Variants in NEDD4L observed in about 807,000 individuals in gnomAD.
NEDD4L encodes the protein E3 ubiquitin-protein ligase NEDD4-like.
NEDD4L carries 54 observed loss-of-function variants against 148.9 expected under a neutral mutation model. The ratio of observed to expected loss-of-function variants is 0.36; its 90% CI spans 0.29 to 0.45. NEDD4L has a LOEUF of 0.45. Ranked by LOEUF, NEDD4L falls within the 20% of genes least tolerant of loss-of-function variation. The pLI is 1.00. For synonymous variants in NEDD4L, 433 were observed against 440.7 expected (o/e 0.98, Z 0.22); for missense variants, 856 against 1,233.8 (o/e 0.69, Z 4.59).
intron 1 of NEDD4L, among the ~76,000 whole-genome samples, chr18:58,106,861 G>C (rs2145590846): frequency 6.6e-6 from 1 of 151,870 alleles, no homozygotes; most frequent in South Asian, 2.1e-4. Context: ...CCTGTCCCCT[G>C]AAATCTTCAC....
At chr18:58,362,633 G>A (rs1419788804) in intron 19 of NEDD4L, among the ~76,000 whole-genome samples, 1 of 152,200 alleles carries the variant, frequency 6.6e-6, no homozygotes, top group Non-Finnish European at 1.5e-5. Context: ...GCTCTCAACA[G>A]CTTGTGAGCT....
At chr18:58,357,327 A>T in intron 19 of NEDD4L, 75 bp downstream of exon 19, 1 of 1,225,280 alleles carries the variant, frequency 8.2e-7, no homozygotes, top group Non-Finnish European at 1.2e-6. Context: ...TGTATTACTG[A>T]TAACGGTGAT....
At chr18:58,245,632 G>T in intron 3 of NEDD4L, 124 bp downstream of exon 3, 2 of 342,918 alleles carry the variant, frequency 5.8e-6, no homozygotes, top group Non-Finnish European at 5.6e-6. Context: ...AGTCCCGTGA[G>T]ATTATAATGG....
At chr18:58,073,613 A>G (rs2083004961) in intron 1 of NEDD4L, among the ~76,000 whole-genome samples, 1 of 152,234 alleles carries the variant, frequency 6.6e-6, no homozygotes, top group African/African-American at 2.4e-5. Flanking sequence ...TCAGACACAA[A>G]AGGCCACACG....
intron 1 of NEDD4L, among the ~76,000 whole-genome samples, chr18:58,114,010 C>T (rs757239248): frequency 4.9e-4 from 74 of 152,106 alleles, no homozygotes; most frequent in Non-Finnish European, 2.2e-4. Context: ...TCATACCAGC[C>T]GCAGGGCACT....
chr18:58,234,891 C>T (rs966523659), intron 2 of NEDD4L, among the ~76,000 whole-genome samples: 3 of 152,106 alleles, frequency 2.0e-5, no homozygotes, highest in Admixed American at 6.5e-5. Context: ...CCTGTTCAGA[C>T]ATTAGAAGCT....
At chr18:58,385,621 C>G (rs1229133486) in intron 26 of NEDD4L, 35 bp downstream of exon 26, 1 of 1,566,142 alleles carries the variant, frequency 6.4e-7, no homozygotes, top group Non-Finnish European at 8.8e-7. Flanking sequence ...CTGCCATGTG[C>G]CTCTGGTCCC....
chr18:58,128,122 C>T (rs2031466164), intron 1 of NEDD4L, among the ~76,000 whole-genome samples: 1 of 152,144 alleles, frequency 6.6e-6, no homozygotes, highest in Non-Finnish European at 1.5e-5. Context: ...TCTCGGCTCA[C>T]TGCAACCTCC....
intron 2 of NEDD4L, among the ~76,000 whole-genome samples, chr18:58,176,612 G>A (rs553859604): frequency 6.6e-6 from 1 of 152,326 alleles, no homozygotes; most frequent in East Asian, 1.9e-4. Context: ...TGGAATTACA[G>A]GTGCAAACCA....
intron 2 of NEDD4L, among the ~76,000 whole-genome samples, chr18:58,200,129 C>G (rs1345680178): frequency 2.0e-5 from 3 of 152,176 alleles, no homozygotes; most frequent in Non-Finnish European, 1.5e-5. Context: ...TCTTTGTTAT[C>G]TCGGCTCTCT....
chr18:58,047,409 A>C (rs985622122), intron 1 of NEDD4L: 1 of 984,406 alleles, frequency 1.0e-6, no homozygotes, highest in Admixed American at 6.1e-5. Flanking sequence ...TGCACTGCTG[A>C]TGATGAAGCA....
rs140420518 is a variant in NEDD4L, at chr18:58,385,984, A to C, written c.2487+398A>C. 6.0e-3 allele frequency among the ~76,000 whole-genome samples: 916 copies of C among 152,142 alleles called. 11 individuals are homozygous for C. Among genetic ancestry groups the C allele is most frequent in the African/African-American group, 0.021 (863 of 41,526 alleles). On this transcript the variant is annotated intron_variant, in intron 26 of 30. Transcript: ENST00000400345. Reference sequence around the variant, plus strand: ...GGCTCAGAGCTGAATGATGAAGCGCAGTCCCCAAAGTGCCTGGCCACCCCT... The same window carrying C: ...GGCTCAGAGCTGAATGATGAAGCGCCGTCCCCAAAGTGCCTGGCCACCCCT...
At chr18:58,233,982 C>G (rs1276006045) in intron 2 of NEDD4L, among the ~76,000 whole-genome samples, 1 of 152,144 alleles carries the variant, frequency 6.6e-6, no homozygotes, top group Non-Finnish European at 1.5e-5. Flanking sequence ...CTACCTTTCC[C>G]CTGTTCATAA....
At position 58,341,184 on chromosome 18, in the gene NEDD4L, A is replaced by G; in HGVS notation, c.1257+15A>G. ...CTATCATGCAGGTACGAAGATTGCC[A>G]TCCAACTTAAAACCGCAGGCCATAG... On this transcript the variant is annotated intron_variant, in intron 14 of 30. Transcript: ENST00000400345. The G allele has an allele frequency of 1.2e-6, 2 of 1,611,088 alleles. No homozygotes were observed. Among genetic ancestry groups the G allele is most frequent in the Middle Eastern group, 1.7e-4 (1 of 6,060 alleles).
chr18:58,225,489 G>A (rs145875555), intron 2 of NEDD4L, among the ~76,000 whole-genome samples: 20 of 152,292 alleles, frequency 1.3e-4, no homozygotes, highest in African/African-American at 3.4e-4. Context: ...TTATGCTTGC[G>A]CACATCTATA....
chr18:58,314,403 C>T (rs2058043670), intron 5 of NEDD4L, among the ~76,000 whole-genome samples: 1 of 135,742 alleles, frequency 7.4e-6, no homozygotes, highest in South Asian at 2.3e-4. Context: ...GGCGACAGAG[C>T]AAGAGACTCT....
chr18:58,122,065 G>A (rs1276018439), intron 1 of NEDD4L, among the ~76,000 whole-genome samples: 2 of 152,378 alleles, frequency 1.3e-5, no homozygotes, highest in East Asian at 3.9e-4. Context: ...AGTTGCTCAA[G>A]TCTTTGGGCT....
At chr18:58,129,222 C>G (rs1411768772) in intron 1 of NEDD4L, among the ~76,000 whole-genome samples, 3 of 152,236 alleles carry the variant, frequency 2.0e-5, no homozygotes, top group African/African-American at 7.2e-5. Flanking sequence ...CGTGCCTACC[C>G]TTGGCTGCTG....
At chr18:58,172,465 A>G (rs1012118527) in intron 2 of NEDD4L, among the ~76,000 whole-genome samples, 6 of 152,220 alleles carry the variant, frequency 3.9e-5, no homozygotes, top group African/African-American at 1.2e-4. Context: ...AGCACTTGCT[A>G]TGTGCCAGAT....
Sources: gnomAD v4.1 joint callset for allele counts (sites outside exome capture counted in the v4.1 genomes callset) on GRCh38, gnomAD v4.1.1 for gene constraint, MANE v1.5 for transcripts, NCBI Gene and HGNC (gene_info 2026-07-23, HGNC 2026-07-21) for gene names.